CBX5: variants seen among roughly 807,000 people sequenced by gnomAD.
The protein encoded by CBX5 is chromobox protein homolog 5.
Under a neutral mutation model 20.7 loss-of-function variants are expected in CBX5, and 7 were observed. The observed-to-expected ratio is 0.34, with a 90% CI of 0.19 to 0.63. The LOEUF is 0.63. CBX5 is among the 30% of genes least tolerant of loss of function. The probability of loss-of-function intolerance (pLI) is 0.75; values close to 1 mark genes in which losing one functional copy is unlikely to be tolerated. For synonymous variants in CBX5, 78 were observed against 77.0 expected, an observed-to-expected ratio of 1.01 and a Z score of -0.07; for missense variants, 110 against 224.1, an observed-to-expected ratio of 0.49 and a Z score of 3.25.
At chr12:54,242,988 G>A (rs1270208735) in intron 4 of CBX5, among the ~76,000 whole-genome samples, 1 of 152,068 alleles carries the variant, frequency 6.6e-6, no homozygotes, top group East Asian at 1.9e-4. Flanking sequence ...GCTAGGCATG[G>A]TGGTGCATGC....
chr12:54,273,123 T>TAAAA, intron 1 of CBX5: 1 of 152,330 alleles, frequency 6.6e-6, no homozygotes, highest in African/African-American at 2.4e-5. Flanking sequence ...CTGTAAATGT[T>TAAAA]ATTTTATATA....
chr12:54,243,950 G>C (rs1028233864), intron 4 of CBX5, among the ~76,000 whole-genome samples: 1 of 152,016 alleles, frequency 6.6e-6, no homozygotes, highest in East Asian at 1.9e-4. Flanking sequence ...CAGGTTTCTG[G>C]GTAATTTACC....
In CBX5 at chr12:54,275,205, AC is replaced by A. The variant is rs936712401; in HGVS notation, c.-43+4802del. 3.9e-5 allele frequency among the ~76,000 whole-genome samples: 6 copies of A among 151,916 alleles called. No homozygotes were observed. The South Asian group carries it at 1.2e-3, about 32-fold the overall frequency. ...CAGAATATATTCCCCTTTAGTAAAC[AC>A]CCCTTTTAGATTTGGTTGCAATAGT... On this transcript the variant is annotated intron_variant, in intron 1 of 4. Coordinates refer to ENST00000209875, the MANE Select transcript of CBX5 (RefSeq NM_012117.3).
At chr12:54,271,801 AAT>A (rs1944013149) in intron 1 of CBX5, 1 of 152,232 alleles carries the variant, frequency 6.6e-6, no homozygotes, top group Non-Finnish European at 1.5e-5. Flanking sequence ...TACTTTGGAA[AAT>A]ATATAGGAAA....
Position 54,254,581 on chromosome 12 carries a change from G to A in CBX5, c.138-2354C>T, listed in dbSNP as rs139940660. Among the ~76,000 whole-genome samples, 131 of 152,132 alleles carry A rather than the reference G, an allele frequency of 8.6e-4. 1 individual carries two copies. Among genetic ancestry groups the A allele is most frequent in the African/African-American group, 3.1e-3 (127 of 41,518 alleles). On this transcript the variant is annotated intron_variant, in intron 2 of 4. Transcript: ENST00000209875. ...GAAAAAAAATTCCTCGGCCGGGCAC[G>A]GTGGCTCAAGTCTCTAATCCCAGCA... is the stretch of plus-strand genomic sequence containing the variant.
At chr12:54,263,089 G>A (rs769538550) in intron 1 of CBX5, among the ~76,000 whole-genome samples, 5 of 152,176 alleles carry the variant, frequency 3.3e-5, no homozygotes, top group African/African-American at 7.2e-5. Context: ...GGCTGGGCGC[G>A]GTGGCTCACG....
chr12:54,241,961 A>G, intron 4 of CBX5, 56 bp from the exon 5 acceptor site: 6 of 1,537,028 alleles, frequency 3.9e-6, no homozygotes, highest in Non-Finnish European at 5.3e-6. Context: ...GAATCTGTCC[A>G]GACATACGTT....
At chr12:54,274,431 A>C (rs1944040608) in intron 1 of CBX5, 1 of 152,254 alleles carries the variant, frequency 6.6e-6, no homozygotes, top group Admixed American at 6.5e-5. Flanking sequence ...ATATGTAAAC[A>C]GCCATACTAA....
At chr12:54,248,216 T>C (rs986822447) in intron 3 of CBX5, among the ~76,000 whole-genome samples, 1 of 152,128 alleles carries the variant, frequency 6.6e-6, no homozygotes, top group African/African-American at 2.4e-5. Flanking sequence ...CTTGAACTCC[T>C]GGCCTCAAGT....
At position 54,253,655 on chromosome 12, in the gene CBX5, A is replaced by G. The variant is rs550793955; in HGVS notation, c.138-1428T>C. Among the ~76,000 whole-genome samples, 44 of 149,510 alleles carry G rather than the reference A, an allele frequency of 2.9e-4. No homozygotes were observed. The South Asian group carries it at 8.7e-3, about 30-fold the overall frequency. On this transcript the variant is annotated intron_variant, in intron 2 of 4. Coordinates refer to ENST00000209875, the MANE Select transcript of CBX5 (RefSeq NM_012117.3). Reference sequence around the variant, plus strand: ...AAATGAGAGGATCCCTTGAGCCCAGAAGGTTGAGGCTGCAGTGAACCGTGA... The same window carrying G: ...AAATGAGAGGATCCCTTGAGCCCAGGAGGTTGAGGCTGCAGTGAACCGTGA...
rs1273649835 is a variant in CBX5, at chr12:54,232,458, G to A, written c.*9297C>T. On this transcript the variant is annotated 3_prime_UTR_variant, in exon 5 of 5. Coordinates refer to ENST00000209875, the MANE Select transcript of CBX5 (RefSeq NM_012117.3). ...AACAACACCCCTGTGAGGTAGGTCAGTATTATTAACCCCATTTGACAGATG... is the reference window on the plus strand; with the variant it reads ...AACAACACCCCTGTGAGGTAGGTCAATATTATTAACCCCATTTGACAGATG... The A allele has an allele frequency of 3.3e-4, 50 of 152,172 alleles. No homozygotes were observed. The highest frequency in any genetic ancestry group is 2.9e-5 in the Non-Finnish European group (2 of 68,044). The allele number at this position is 152,172 out of a possible 1,614,324, so 9.4% of individuals were successfully genotyped here. A position where few individuals can be genotyped will look rare whatever the true frequency, so the allele number is the denominator to read the frequency against.
At chr12:54,267,359 G>T (rs116052756) in intron 1 of CBX5, among the ~76,000 whole-genome samples, 5 of 152,094 alleles carry the variant, frequency 3.3e-5, no homozygotes, top group Non-Finnish European at 7.4e-5. Flanking sequence ...TTTTCCAAAC[G>T]TCAGCCATAA....
At chr12:54,261,021 T>G (rs1375032585) in intron 1 of CBX5, among the ~76,000 whole-genome samples, 1 of 151,924 alleles carries the variant, frequency 6.6e-6, no homozygotes, top group Non-Finnish European at 1.5e-5. Context: ...TGACGCCCCA[T>G]CTCTACTAAA....
At chr12:54,254,417 A>T (rs1943843810) in intron 2 of CBX5, among the ~76,000 whole-genome samples, 1 of 152,114 alleles carries the variant, frequency 6.6e-6, no homozygotes, top group African/African-American at 2.4e-5. Flanking sequence ...TAGAAAGCAG[A>T]AAGACGGAAA....
At chr12:54,246,559 A>G (rs1188290628) in intron 3 of CBX5, among the ~76,000 whole-genome samples, 1 of 152,134 alleles carries the variant, frequency 6.6e-6, no homozygotes, top group Non-Finnish European at 1.5e-5. Context: ...AGGCAGGCGA[A>G]TCACAAGCTC....
intron 1 of CBX5, among the ~76,000 whole-genome samples, chr12:54,276,010 A>C (rs1944062331): frequency 7.3e-6 from 1 of 137,150 alleles, no homozygotes; most frequent in African/African-American, 2.8e-5. Context: ...AAAAAAAAAA[A>C]CCTATCACAT....
intron 4 of CBX5, among the ~76,000 whole-genome samples, chr12:54,245,016 AT>A (rs985261373): frequency 9.1e-4 from 130 of 143,330 alleles, no homozygotes; most frequent in Middle Eastern, 3.7e-3. Context: ...ATTTATTATT[AT>A]TTTTTTTTTT....
Position 54,236,485 on chromosome 12 carries a change from G to C in CBX5, c.*5270C>G, listed in dbSNP as rs1565864465. 1 of 152,192 alleles carries C rather than the reference G, an allele frequency of 6.6e-6. No individual in the cohort carries two copies. The highest frequency in any genetic ancestry group is 1.5e-5 in the Non-Finnish European group (1 of 68,026). 9.4% of individuals were successfully genotyped at this position (152,192 alleles called of 1,614,324 possible). A position where few individuals can be genotyped will look rare whatever the true frequency, so the allele number is the denominator to read the frequency against. ...GAACATGTTTTTGGGTGTAAGGCTA[G>C]TATCATCTACTTTTGAAAACATAAT... On this transcript the variant is annotated 3_prime_UTR_variant, in exon 5 of 5. Transcript: ENST00000209875.
chr12:54,246,257 A>C, intron 3 of CBX5, 42 bp from the exon 4 acceptor site: 1 of 1,438,816 alleles, frequency 7.0e-7, no homozygotes, highest in Non-Finnish European at 9.8e-7. Context: ...TTGTGGAAAG[A>C]GTAAAGAAAC....
Sources: allele counts gnomAD v4.1 joint callset (sites outside exome capture counted in the v4.1 genomes callset), GRCh38; gene constraint gnomAD v4.1.1; transcripts MANE v1.5; gene names NCBI Gene and HGNC (gene_info 2026-07-23, HGNC 2026-07-21).